ACACA: variants seen among roughly 807,000 people sequenced by gnomAD.
ACACA encodes acetyl-CoA carboxylase 1.
A neutral mutation model predicts 296.1 loss-of-function variants in ACACA; 103 were observed. The ratio of observed to expected loss-of-function variants is 0.35; its 90% confidence interval spans 0.30 to 0.41. The LOEUF (loss-of-function observed/expected upper bound fraction) is 0.41. Ranked by LOEUF, ACACA falls within the 10% of genes least tolerant of loss-of-function variation. The pLI, the probability that ACACA is intolerant of heterozygous loss-of-function variation, is 1.00. For synonymous variants in ACACA, 953 were observed against 1,038.6 expected (o/e 0.92, Z 1.58); for missense variants, 1,554 against 2,989.7 (o/e 0.52, Z 11.20).
At chr17:37,257,456 C>T (rs1418910653) in intron 14 of ACACA, among the ~76,000 whole-genome samples, 1 of 152,058 alleles carries the variant, frequency 6.6e-6, no homozygotes, top group East Asian at 1.9e-4. Context: ...ATACATTTAT[C>T]AAAAATATTT....
chr17:37,315,819 C>T (rs779237199), intron 3 of ACACA, among the ~76,000 whole-genome samples: 1 of 152,128 alleles, frequency 6.6e-6, no homozygotes, highest in Non-Finnish European at 1.5e-5. Flanking sequence ...CTGTTGTTTA[C>T]AAGGTTTTAT....
intron 45 of ACACA, among the ~76,000 whole-genome samples, chr17:37,136,275 T>C (rs956490739): frequency 9.9e-5 from 15 of 152,152 alleles, no homozygotes; most frequent in African/African-American, 3.6e-4. Context: ...AGTTTTGCCT[T>C]TTCTAGAATG....
At position 37,200,513 on chromosome 17, in the gene ACACA, T is replaced by C. The variant is rs191653436; in HGVS notation, c.4057-30A>G. The C allele has an allele frequency of 8.2e-6, 13 of 1,577,570 alleles. No individual in the cohort carries two copies. In the East Asian group the frequency reaches 2.5e-4, roughly 30 times the overall value. On this transcript the variant is annotated intron_variant, in intron 33 of 55. Transcript: ENST00000616317. Reference sequence around the variant, plus strand: ...GAGCAAAAACATGTAAAACAGAAGATAGATGAGATTTCCATTCATTCTAAA... The same window carrying C: ...GAGCAAAAACATGTAAAACAGAAGACAGATGAGATTTCCATTCATTCTAAA...
At chr17:37,211,285 A>C (rs1319151003) in intron 29 of ACACA, among the ~76,000 whole-genome samples, 1 of 152,232 alleles carries the variant, frequency 6.6e-6, no homozygotes, top group Non-Finnish European at 1.5e-5. Flanking sequence ...AACCTTATCT[A>C]AATTTGACTA....
chr17:37,346,963 G>A (rs1338852942), intron 1 of ACACA, among the ~76,000 whole-genome samples: 1 of 152,110 alleles, frequency 6.6e-6, no homozygotes, highest in Non-Finnish European at 1.5e-5. Flanking sequence ...AAGACTTTGA[G>A]GGACTGTTGG....
intron 12 of ACACA, 117 bp downstream of exon 12, chr17:37,259,243 G>T: frequency 8.6e-7 from 1 of 1,160,058 alleles, no homozygotes; most frequent in South Asian, 1.2e-5. Context: ...AAAGAGAAAT[G>T]ACCATTAGGT....
intron 1 of ACACA, among the ~76,000 whole-genome samples, chr17:37,402,092 C>A (rs2051310907): frequency 3.9e-5 from 6 of 152,124 alleles, no homozygotes; most frequent in Admixed American, 2.6e-4. Flanking sequence ...ACTGGTTCAA[C>A]ATGGATTTGG....
At chr17:37,096,780 C>T (rs2073016632) in intron 54 of ACACA, among the ~76,000 whole-genome samples, 1 of 152,168 alleles carries the variant, frequency 6.6e-6, no homozygotes, top group Admixed American at 6.5e-5. Context: ...TGAATGATTG[C>T]ATAAGCTGCA....
In ACACA at chr17:37,086,057, G is replaced by A. The variant is rs1157660355; in HGVS notation, c.*1259C>T. 5 of 371,358 alleles carry A rather than the reference G, an allele frequency of 1.3e-5. No homozygotes were observed. The highest frequency in any genetic ancestry group is 3.0e-4 in the South Asian group (2 of 6,760). The allele number at this position is 371,358 out of a possible 1,614,324, so 23.0% of individuals were successfully genotyped here. A position where few individuals can be genotyped will look rare whatever the true frequency, so the allele number is the denominator to read the frequency against. ...AGGAAGCCCCTGATGCCAGTCAGGAGGGGCCAGTAAGCCTGGAGGACAGCA... is the reference window on the plus strand; with the variant it reads ...AGGAAGCCCCTGATGCCAGTCAGGAAGGGCCAGTAAGCCTGGAGGACAGCA... On this transcript the variant is annotated 3_prime_UTR_variant, in exon 56 of 56. Transcript: ENST00000616317.
chr17:37,264,452 G>T (rs188241749), intron 10 of ACACA, among the ~76,000 whole-genome samples: 1 of 152,066 alleles, frequency 6.6e-6, no homozygotes, highest in African/African-American at 2.4e-5. Flanking sequence ...CAATCTTATT[G>T]TTACTATTTT....
chr17:37,393,724 C>T (rs144025303), intron 1 of ACACA, among the ~76,000 whole-genome samples: 40 of 151,868 alleles, frequency 2.6e-4, no homozygotes, highest in Middle Eastern at 3.4e-3. Context: ...CACCTGTAAT[C>T]TCAGCTACTC....
In ACACA at chr17:37,301,279, CTAA is replaced by C. The variant is rs777365594; in HGVS notation, c.339-16312_339-16310del. ...AGACACTGCTGCTCACAATCTTTCT[CTAA>C]TATTAGAATACAAGAAATAAAAAGC... On this transcript the variant is annotated intron_variant, in intron 3 of 55. Coordinates refer to ENST00000616317, the MANE Select transcript of ACACA (RefSeq NM_198834.3). 1.3e-4 allele frequency: 96 copies of C among 735,630 alleles called. No individual in the cohort carries two copies. The Admixed American group carries it at 1.4e-3, about 11-fold the overall frequency. The allele number at this position is 735,630 out of a possible 1,614,324, so 45.6% of individuals were successfully genotyped here.
intron 45 of ACACA, among the ~76,000 whole-genome samples, chr17:37,138,409 A>T (rs1308187223): frequency 2.6e-5 from 4 of 152,208 alleles, no homozygotes; most frequent in Non-Finnish European, 1.5e-5. Flanking sequence ...TGCATTTCTA[A>T]TCTACTAACG....
intron 43 of ACACA, among the ~76,000 whole-genome samples, chr17:37,154,699 G>T (rs2076170539): frequency 6.6e-6 from 1 of 152,006 alleles, no homozygotes; most frequent in Admixed American, 6.6e-5. Context: ...GTTTCTCCAT[G>T]TTGGCCAGGC....
chr17:37,190,438 A>G (rs544400415), intron 38 of ACACA, among the ~76,000 whole-genome samples: 35 of 152,278 alleles, frequency 2.3e-4, no homozygotes, highest in African/African-American at 6.7e-4. Context: ...AACAAAAAAA[A>G]AAAGAAAGAA....
intron 1 of ACACA, among the ~76,000 whole-genome samples, chr17:37,378,435 A>T (rs564877890): frequency 6.6e-6 from 1 of 152,244 alleles, no homozygotes. Flanking sequence ...AGCTTTGGCC[A>T]GGCATGGTGG....
chr17:37,209,076 G>A (rs745618174), intron 30 of ACACA, among the ~76,000 whole-genome samples: 2 of 152,198 alleles, frequency 1.3e-5, no homozygotes, highest in Admixed American at 6.5e-5. Context: ...TTCCTTTGGC[G>A]AGTGATGACT....
At chr17:37,178,449 C>T (rs945245061) in intron 41 of ACACA, among the ~76,000 whole-genome samples, 1 of 152,180 alleles carries the variant, frequency 6.6e-6, no homozygotes, top group African/African-American at 2.4e-5. Context: ...CTGAAAAATG[C>T]ATTTATTAAT....
At chr17:37,237,534 T>C (rs2080170385) in intron 24 of ACACA, among the ~76,000 whole-genome samples, 1 of 152,196 alleles carries the variant, frequency 6.6e-6, no homozygotes. Flanking sequence ...CCACTCTCAT[T>C]GTGGTTTTGG....
Sources: allele counts gnomAD v4.1 joint callset (sites outside exome capture counted in the v4.1 genomes callset), GRCh38; gene constraint gnomAD v4.1.1; transcripts MANE v1.5; gene names NCBI Gene and HGNC (gene_info 2026-07-23, HGNC 2026-07-21).